The following TRIM67 variants were observed in gnomAD, a reference collection of about 807,000 sequenced individuals.
The protein encoded by TRIM67 is tripartite motif containing 67.
In TRIM67, 39 loss-of-function variants were observed where a neutral mutation model predicts 71.0. That is an observed-to-expected ratio of 0.55 (90% CI 0.43 to 0.72). TRIM67 has a LOEUF of 0.72. TRIM67 is among the 30% of genes least tolerant of loss of function. TRIM67 has a pLI of 0.00. For synonymous variants in TRIM67, 481 were observed against 473.9 expected (o/e 1.01, Z -0.19); for missense variants, 973 against 1,079.2 (o/e 0.90, Z 1.38).
Position 231,217,718 on chromosome 1 carries a change from G to T in TRIM67, c.*2278G>T, listed in dbSNP as rs1571909509. On this transcript the variant is annotated 3_prime_UTR_variant, in exon 10 of 10. Transcript: ENST00000366653. ...AGCCTCCACCATCACCACAGCCCAG[G>T]TCACCAGGTGGCCCCAGCTCTGCAG... The T allele has an allele frequency of 2.4e-6, 3 of 1,236,828 alleles. No individual in the cohort carries two copies. The highest frequency in any genetic ancestry group is 3.1e-6 in the Non-Finnish European group (3 of 961,616). 76.6% of individuals were successfully genotyped at this position (1,236,828 alleles called of 1,614,324 possible). A position where few individuals can be genotyped will look rare whatever the true frequency, so the allele number is the denominator to read the frequency against.
In TRIM67 at chr1:231,163,993, G is replaced by T; in HGVS notation, c.1024G>T (p.Ala342Ser). 1 of 1,567,822 alleles carries T rather than the reference G, an allele frequency of 6.4e-7. No individual in the cohort carries two copies. ...CAAGCACGAGGTGAAGCCGCTGGGGGCCATGTGGAAGCAGCACAAGGTGAG... is the reference window on the plus strand; with the variant it reads ...CAAGCACGAGGTGAAGCCGCTGGGGTCCATGTGGAAGCAGCACAAGGTGAG... The part of the protein sequence containing the change: ...HAKHEVKPLG[A>S]MWKQHKAQLS... The change falls in exon 1 of 10, where the codon GCC becomes TCC. Residue 342 changes from alanine to serine, a missense_variant. Ala to Ser is a moderately conservative substitution (Grantham distance 99, BLOSUM62 1). Transcript: ENST00000366653.
At chr1:231,180,203 G>T (rs993581306) in intron 1 of TRIM67, among the ~76,000 whole-genome samples, 3 of 151,988 alleles carry the variant, frequency 2.0e-5, no homozygotes, top group Non-Finnish European at 4.4e-5. Context: ...CATTTTAATG[G>T]GTGCTGAGTA....
At chr1:231,178,447 C>T (rs564284835) in intron 1 of TRIM67, among the ~76,000 whole-genome samples, 174 of 152,326 alleles carry the variant, frequency 1.1e-3, no homozygotes, top group Non-Finnish European at 2.0e-3. Flanking sequence ...TAAAAGAAAG[C>T]CACTATTATC....
In TRIM67 at chr1:231,199,008, C is replaced by A. The variant is rs367760118; in HGVS notation, c.1141-39C>A. 184 of 1,613,462 alleles carry A rather than the reference C, an allele frequency of 1.1e-4. No homozygotes were observed. The Middle Eastern group carries it at 2.5e-3, about 22-fold the overall frequency. ...AGATTTTAGCATCTTCCCCCTAAAA[C>A]TCTTTGCTTCTTCCCAACCAACCCC... On this transcript the variant is annotated intron_variant, in intron 2 of 9. Coordinates refer to ENST00000366653, the MANE Select transcript of TRIM67 (RefSeq NM_001004342.5).
intron 7 of TRIM67, 58 bp from the exon 8 acceptor site, chr1:231,208,889 G>A: frequency 6.7e-7 from 1 of 1,498,856 alleles, no homozygotes; most frequent in South Asian, 1.3e-5. Flanking sequence ...GAGCCGGTTA[G>A]AAACTACTAG....
chr1:231,212,034 A>T (rs1054401579), intron 8 of TRIM67, among the ~76,000 whole-genome samples: 2 of 152,234 alleles, frequency 1.3e-5, no homozygotes, highest in African/African-American at 4.8e-5. Flanking sequence ...GTGGCCAAAG[A>T]GACAGCTAAT....
rs1203499193 is a variant in TRIM67, at chr1:231,220,008, G to A, written c.*4568G>A. 1 of 1,249,278 alleles carries A rather than the reference G, an allele frequency of 8.0e-7. No homozygotes were observed. Among genetic ancestry groups the A allele is most frequent in the Non-Finnish European group, 1.1e-6 (1 of 951,990 alleles). The allele number at this position is 1,249,278 out of a possible 1,614,324, so 77.4% of individuals were successfully genotyped here. A position where few individuals can be genotyped will look rare whatever the true frequency, so the allele number is the denominator to read the frequency against. ...TGGGGGCCAATCTCTTATCCTTTCT[G>A]TGCCTCAGTATCCCCACCTGAAATG... On this transcript the variant is annotated 3_prime_UTR_variant, in exon 10 of 10. Transcript: ENST00000366653.
intron 1 of TRIM67, among the ~76,000 whole-genome samples, chr1:231,190,551 C>T (rs1394173223): frequency 6.6e-6 from 1 of 152,162 alleles, no homozygotes; most frequent in Non-Finnish European, 1.5e-5. Flanking sequence ...CAGCCTGCGG[C>T]CCCCGGCGTA....
Position 231,218,992 on chromosome 1 carries a change from G to C in TRIM67, c.*3552G>C. 1 of 985,454 alleles carries C rather than the reference G, an allele frequency of 1.0e-6. No individual in the cohort carries two copies. The highest frequency in any genetic ancestry group is 4.7e-5 in the South Asian group (1 of 21,292). 61.0% of individuals were successfully genotyped at this position (985,454 alleles called of 1,614,324 possible). Reference sequence around the variant, plus strand: ...TTAAGCCTTAATTCTCATTGCAAGCGAAAGGCTTGGTCCCCCTGGGAAGGC... The same window carrying C: ...TTAAGCCTTAATTCTCATTGCAAGCCAAAGGCTTGGTCCCCCTGGGAAGGC... On this transcript the variant is annotated 3_prime_UTR_variant, in exon 10 of 10. Transcript: ENST00000366653.
intron 1 of TRIM67, chr1:231,184,276 A>T (rs1682991179): frequency 6.6e-6 from 1 of 151,882 alleles, no homozygotes; most frequent in South Asian, 2.1e-4. Flanking sequence ...AAGCTTGTTC[A>T]GTTCTGATTT....
intron 1 of TRIM67, among the ~76,000 whole-genome samples, chr1:231,165,495 C>T (rs773386715): frequency 1.3e-5 from 2 of 152,084 alleles, no homozygotes; most frequent in Non-Finnish European, 2.9e-5. Context: ...ATACCTAAAA[C>T]CAGTGAATTT....
At chr1:231,195,760 G>C (rs149424506) in intron 1 of TRIM67, among the ~76,000 whole-genome samples, 7 of 152,272 alleles carry the variant, frequency 4.6e-5, no homozygotes, top group African/African-American at 1.7e-4. Flanking sequence ...CAGTCCAGGG[G>C]ATCTCAAACT....
chr1:231,171,692 T>A (rs1682623030), intron 1 of TRIM67, among the ~76,000 whole-genome samples: 2 of 152,326 alleles, frequency 1.3e-5, no homozygotes, highest in South Asian at 4.1e-4. Context: ...TTCTAGGGTC[T>A]GCTGTTTTCT....
Position 231,217,477 on chromosome 1 carries a change from G to A in TRIM67, c.*2037G>A, listed in dbSNP as rs1285858641. On this transcript the variant is annotated 3_prime_UTR_variant, in exon 10 of 10. Transcript: ENST00000366653. Reference sequence around the variant, plus strand: ...TTCATCCTTAGCCATAGCTCTGGGTGGCCTTTGCTTGGAGCATGGAGACGA... The same window carrying A: ...TTCATCCTTAGCCATAGCTCTGGGTAGCCTTTGCTTGGAGCATGGAGACGA... 8.0e-6 allele frequency: 8 copies of A among 999,252 alleles called. No individual in the cohort carries two copies. Among genetic ancestry groups the A allele is most frequent in the Non-Finnish European group, 9.5e-6 (8 of 838,368 alleles). The allele number at this position is 999,252 out of a possible 1,614,324, so 61.9% of individuals were successfully genotyped here. A position where few individuals can be genotyped will look rare whatever the true frequency, so the allele number is the denominator to read the frequency against.
intron 1 of TRIM67, 47 bp downstream of exon 1, chr1:231,164,060 G>A (rs777082906): frequency 1.4e-6 from 2 of 1,430,682 alleles, no homozygotes; most frequent in African/African-American, 2.9e-5. Flanking sequence ...AAGAGGGTAC[G>A]AGGAGAAAGG....
At chr1:231,187,545 G>A in intron 1 of TRIM67, 1 of 1,532,582 alleles carries the variant, frequency 6.5e-7, no homozygotes, top group Non-Finnish European at 8.7e-7. Flanking sequence ...ATAAAAAGGT[G>A]AGAGAAATCC....
intron 1 of TRIM67, among the ~76,000 whole-genome samples, chr1:231,167,350 T>G: frequency 1.2e-5 from 1 of 81,996 alleles, no homozygotes; most frequent in Admixed American, 1.4e-4. Flanking sequence ...TGAGACGGAG[T>G]CTCGCTCTGT....
rs1397206113 is a variant in TRIM67, at chr1:231,220,532, T to G, written c.*5092T>G. On this transcript the variant is annotated 3_prime_UTR_variant, in exon 10 of 10. Transcript: ENST00000366653. ...TGCCTCCTTTGTTTCGAGGGGTCTC[T>G]GCAGTGTGAATGGGTTTGAAATCCA... 1 of 153,042 alleles carries G rather than the reference T, an allele frequency of 6.5e-6. No individual in the cohort carries two copies. Among genetic ancestry groups the G allele is most frequent in the Non-Finnish European group, 1.5e-5 (1 of 68,690 alleles). The allele number at this position is 153,042 out of a possible 1,614,324, so 9.5% of individuals were successfully genotyped here.
chr1:231,192,218 C>G (rs897457605), intron 1 of TRIM67, among the ~76,000 whole-genome samples: 1 of 152,116 alleles, frequency 6.6e-6, no homozygotes, highest in Non-Finnish European at 1.5e-5. Flanking sequence ...CTCTCTCTCT[C>G]TCTGTCTTTG....
Sources: gnomAD v4.1 joint callset for allele counts (sites outside exome capture counted in the v4.1 genomes callset) on GRCh38, gnomAD v4.1.1 for gene constraint, MANE v1.5 for transcripts, NCBI Gene and HGNC (gene_info 2026-07-23, HGNC 2026-07-21) for gene names.